The following ST7 variants were observed in gnomAD, a reference collection of about 807,000 sequenced individuals.
ST7 encodes the protein suppression of tumorigenicity 7, also known as suppressor of tumorigenicity 7 protein.
A neutral mutation model predicts 78.7 loss-of-function variants in ST7; 28 were observed. The observed-to-expected ratio is 0.36, with a 90% CI of 0.26 to 0.49. The LOEUF is 0.49. Among genes scored for constraint, ST7 ranks in the 20% least tolerant of loss-of-function variants. The pLI is 0.99. For synonymous variants in ST7, 247 were observed against 249.6 expected (o/e 0.99, Z 0.10); for missense variants, 418 against 696.0 (o/e 0.60, Z 4.49).
intron 1 of ST7, among the ~76,000 whole-genome samples, chr7:116,957,791 T>A (rs566774907): frequency 2.8e-4 from 43 of 152,230 alleles, no homozygotes; most frequent in Non-Finnish European, 5.0e-4. Flanking sequence ...ATCTACCCTA[T>A]GTTATAAAGT....
intron 1 of ST7, among the ~76,000 whole-genome samples, chr7:117,024,875 G>T (rs1204604128): frequency 3.9e-5 from 6 of 152,170 alleles, no homozygotes; most frequent in Non-Finnish European, 7.4e-5. Context: ...TACCCCATGT[G>T]ATTTGTCTTT....
At chr7:117,110,522 T>C (rs747310837) in intron 2 of ST7, among the ~76,000 whole-genome samples, 1 of 152,204 alleles carries the variant, frequency 6.6e-6, no homozygotes, top group Non-Finnish European at 1.5e-5. Context: ...CTGCCTTCAG[T>C]CACACAGCTA....
intron 1 of ST7, among the ~76,000 whole-genome samples, chr7:116,996,089 T>TTTG (rs1585112641): frequency 1.3e-5 from 2 of 151,188 alleles, no homozygotes; most frequent in Non-Finnish European, 3.0e-5. Flanking sequence ...CCCGTTTTTT[T>TTTG]TTTTTTTTTT....
chr7:117,031,427 T>C lies in ST7; in HGVS notation c.152-68335T>C, dbSNP rs370252834. On this transcript the variant is annotated intron_variant, in intron 1 of 15. Coordinates refer to ENST00000323984, the MANE Select transcript of ST7 (RefSeq NM_001369598.1). ...ATATACGCATATATGTGTGTATATGTGCATATATATGCATATATGTGTGTA... is the reference window on the plus strand; with the variant it reads ...ATATACGCATATATGTGTGTATATGCGCATATATATGCATATATGTGTGTA... 3.3e-4 allele frequency among the ~76,000 whole-genome samples: 47 copies of C among 142,252 alleles called. 12 individuals are homozygous for C. The highest frequency in any genetic ancestry group is 1.3e-3 in the African/African-American group (46 of 34,894). The allele number at this position is 142,252 out of a possible 152,430, so 93.3% of individuals were successfully genotyped here.
chr7:117,151,300 T>C (rs1051644386), intron 9 of ST7, among the ~76,000 whole-genome samples: 3 of 152,226 alleles, frequency 2.0e-5, no homozygotes, highest in Non-Finnish European at 4.4e-5. Flanking sequence ...TCTTCTGAAC[T>C]CAGCTTATGC....
intron 1 of ST7, among the ~76,000 whole-genome samples, chr7:117,056,727 A>G (rs770276307): frequency 6.6e-6 from 1 of 152,190 alleles, no homozygotes; most frequent in Non-Finnish European, 1.5e-5. Flanking sequence ...ATCTTTACAC[A>G]AGGATCTTGA....
At chr7:117,024,606 G>T (rs1269043101) in intron 1 of ST7, among the ~76,000 whole-genome samples, 4 of 152,150 alleles carry the variant, frequency 2.6e-5, no homozygotes, top group South Asian at 2.1e-4. Context: ...TTTTTGTATA[G>T]TTATAATAAT....
At chr7:117,021,902 C>T (rs1448439765) in intron 1 of ST7, among the ~76,000 whole-genome samples, 1 of 152,140 alleles carries the variant, frequency 6.6e-6, no homozygotes, top group African/African-American at 2.4e-5. Flanking sequence ...AAATAAATCA[C>T]TAAGTGTCAA....
At chr7:117,139,058 C>G (rs1388767929) in intron 9 of ST7, among the ~76,000 whole-genome samples, 1 of 151,926 alleles carries the variant, frequency 6.6e-6, no homozygotes, top group African/African-American at 2.4e-5. Flanking sequence ...GATTCTTGAA[C>G]CAGGATTCTT....
At chr7:117,154,103 G>C (rs1806497872) in intron 9 of ST7, among the ~76,000 whole-genome samples, 1 of 152,152 alleles carries the variant, frequency 6.6e-6, no homozygotes, top group South Asian at 2.1e-4. Flanking sequence ...AAATTCATAT[G>C]CCAAAGCTCC....
intron 9 of ST7, among the ~76,000 whole-genome samples, chr7:117,150,854 C>A (rs1306549830): frequency 6.6e-6 from 1 of 152,252 alleles, no homozygotes; most frequent in Non-Finnish European, 1.5e-5. Context: ...TATGCCAAAT[C>A]TGTTTCTTCA....
In ST7 at chr7:117,134,091, C is replaced by T. The variant is rs1055964093; in HGVS notation, c.642-33C>T. ...CTCTCTGAATGTTCCTATCAATTTTCATTTTACCAACTATTTTTTTCTTCT... is the reference window on the plus strand; with the variant it reads ...CTCTCTGAATGTTCCTATCAATTTTTATTTTACCAACTATTTTTTTCTTCT... On this transcript the variant is annotated intron_variant, in intron 6 of 15. Coordinates refer to ENST00000323984, the MANE Select transcript of ST7 (RefSeq NM_001369598.1). 8 of 1,609,190 alleles carry T rather than the reference C, an allele frequency of 5.0e-6. No homozygotes were observed. In the African/African-American group the frequency reaches 1.1e-4, roughly 22 times the overall value.
intron 1 of ST7, among the ~76,000 whole-genome samples, chr7:117,002,661 G>GTGTGTA (rs1308245586): frequency 6.6e-5 from 10 of 151,496 alleles, no homozygotes; most frequent in Non-Finnish European, 1.2e-4. Flanking sequence ...GTGTGTGTGT[G>GTGTGTA]TGTGTTTGTA....
chr7:117,220,622 A>G (rs1239492939), intron 14 of ST7, among the ~76,000 whole-genome samples: 1 of 152,234 alleles, frequency 6.6e-6, no homozygotes, highest in Non-Finnish European at 1.5e-5. Flanking sequence ...ATAGGAAATT[A>G]TGGCTCACAT....
intron 1 of ST7, among the ~76,000 whole-genome samples, chr7:117,012,687 C>G (rs1023203677): frequency 6.6e-6 from 1 of 151,984 alleles, no homozygotes; most frequent in African/African-American, 2.4e-5. Context: ...GGTTTAAAAA[C>G]TTGCTTAATT....
chr7:117,181,826 A>G (rs1245910393), intron 10 of ST7, among the ~76,000 whole-genome samples: 1 of 152,218 alleles, frequency 6.6e-6, no homozygotes, highest in African/African-American at 2.4e-5. Context: ...ATACAATAGT[A>G]TTTAAATGTT....
intron 1 of ST7, chr7:116,954,772 A>G (rs1792363900): frequency 3.9e-6 from 1 of 259,692 alleles, no homozygotes; most frequent in Non-Finnish European, 7.6e-6. Context: ...ACACATATAT[A>G]TCTTCCCTTG....
At chr7:117,040,200 C>T (rs1797134504) in intron 1 of ST7, among the ~76,000 whole-genome samples, 1 of 151,750 alleles carries the variant, frequency 6.6e-6, no homozygotes, top group African/African-American at 2.4e-5. Context: ...GGTGAAGCCC[C>T]CTCTCTACTA....
chr7:117,129,907 C>G (rs1384370601), intron 4 of ST7, 60 bp downstream of exon 4: 3 of 1,429,738 alleles, frequency 2.1e-6, no homozygotes, highest in Non-Finnish European at 2.9e-6. Flanking sequence ...AAGACAGCAG[C>G]AAATGTTTTT....
Sources: allele counts gnomAD v4.1 joint callset (sites outside exome capture counted in the v4.1 genomes callset), GRCh38; gene constraint gnomAD v4.1.1; transcripts MANE v1.5; gene names NCBI Gene and HGNC (gene_info 2026-07-23, HGNC 2026-07-21).